SCN8A: variants seen among roughly 807,000 people sequenced by gnomAD.
SCN8A encodes sodium voltage-gated channel alpha subunit 8.
Under a neutral mutation model 184.1 loss-of-function variants are expected in SCN8A, and 30 were observed. The ratio of observed to expected loss-of-function variants is 0.16; its 90% CI spans 0.12 to 0.22. SCN8A has a LOEUF of 0.22. Among genes scored for constraint, SCN8A ranks in the 10% least tolerant of loss-of-function variants. The probability of loss-of-function intolerance (pLI) is 1.00; values close to 1 mark genes in which losing one functional copy is unlikely to be tolerated. For synonymous variants in SCN8A, 852 were observed against 907.0 expected (o/e 0.94, Z 1.09); for missense variants, 1,057 against 2,498.9 (o/e 0.42, Z 12.30).
At chr12:51,770,312 ATCT>A (rs1472560403) in intron 18 of SCN8A, 11 of 598,156 alleles carry the variant, frequency 1.8e-5, no homozygotes, top group South Asian at 1.1e-4. Context: ...TTTGTAGGAC[ATCT>A]TCTTGACTCC....
intron 1 of SCN8A, among the ~76,000 whole-genome samples, chr12:51,632,734 A>T (rs1940223438): frequency 6.6e-6 from 1 of 152,186 alleles, no homozygotes; most frequent in Non-Finnish European, 1.5e-5. Flanking sequence ...TCTTTTATGA[A>T]CAAGAGAATT....
chr12:51,721,678 A>C lies in SCN8A; in HGVS notation c.1768A>C (p.Thr590Pro). The C allele has an allele frequency of 4.4e-6, 7 of 1,599,122 alleles. No individual in the cohort carries two copies. The highest frequency in any genetic ancestry group is 6.0e-6 in the Non-Finnish European group (7 of 1,172,852). Residue 590 changes from threonine to proline, a missense_variant, in exon 12 of 27, where the codon ACG becomes CCG. This residue lies in a region of SCN8A where 322 missense variants were observed against 390.1 expected (regional missense o/e 0.83). Transcript: ENST00000627620. ...TGAGTTCGCGGATGACGAGCACAGC[A>C]CGGTGGAGGAGAGCGAGGGCCGCCG... ...ENEFADDEHS[T>P]VEESEGRRDS...
At chr12:51,630,142 T>G (rs1478443872) in intron 1 of SCN8A, among the ~76,000 whole-genome samples, 1 of 152,214 alleles carries the variant, frequency 6.6e-6, no homozygotes, top group African/African-American at 2.4e-5. Context: ...ATTTTTACCA[T>G]TTTTTAAGTG....
At chr12:51,802,336 T>C (rs924397639) in intron 26 of SCN8A, among the ~76,000 whole-genome samples, 2 of 152,198 alleles carry the variant, frequency 1.3e-5, no homozygotes, top group African/African-American at 4.8e-5. Context: ...GTGAGGAGGC[T>C]GTTTTCTCTG....
At chr12:51,759,322 C>T (rs1317809943) in intron 14 of SCN8A, among the ~76,000 whole-genome samples, 1 of 151,910 alleles carries the variant, frequency 6.6e-6, no homozygotes. Flanking sequence ...CACATTATCC[C>T]TATCATTAAG....
At chr12:51,671,311 G>A (rs1401626990) in intron 2 of SCN8A, among the ~76,000 whole-genome samples, 1 of 152,162 alleles carries the variant, frequency 6.6e-6, no homozygotes, top group Non-Finnish European at 1.5e-5. Context: ...TAGATATGGA[G>A]GGTACCTGTG....
intron 15 of SCN8A, among the ~76,000 whole-genome samples, chr12:51,763,533 A>G (rs1002530644): frequency 1.3e-5 from 2 of 152,248 alleles, no homozygotes; most frequent in Admixed American, 6.5e-5. Context: ...CATCTGTATT[A>G]TATTGAAATT....
chr12:51,743,929 G>A (rs1942467517), intron 12 of SCN8A, among the ~76,000 whole-genome samples: 1 of 152,164 alleles, frequency 6.6e-6, no homozygotes, highest in Non-Finnish European at 1.5e-5. Context: ...AACCCATCAA[G>A]AGGACAGGGA....
chr12:51,642,837 T>G (rs1422564872), intron 1 of SCN8A, among the ~76,000 whole-genome samples: 1 of 151,918 alleles, frequency 6.6e-6, no homozygotes, highest in South Asian at 2.1e-4. Flanking sequence ...GTGTGAGTGA[T>G]GCTTCTGAAT....
At chr12:51,788,858 G>T in intron 23 of SCN8A, 110 bp downstream of exon 23, 1 of 813,324 alleles carries the variant, frequency 1.2e-6, no homozygotes, top group Non-Finnish European at 1.9e-6. Flanking sequence ...TGGAGGAGTT[G>T]ACGTTTCTCT....
chr12:51,593,368 G>T (rs1177760199), intron 1 of SCN8A, among the ~76,000 whole-genome samples: 1 of 152,212 alleles, frequency 6.6e-6, no homozygotes, highest in African/African-American at 2.4e-5. Flanking sequence ...TCATAATGGT[G>T]CAGATCAGTT....
intron 14 of SCN8A, among the ~76,000 whole-genome samples, chr12:51,754,704 C>T (rs1653665930): frequency 6.6e-6 from 1 of 152,200 alleles, no homozygotes; most frequent in Admixed American, 6.5e-5. Flanking sequence ...TCAGTCTTTC[C>T]TTGACTTTCA....
At chr12:51,720,820 C>T (rs534067290) in intron 11 of SCN8A, among the ~76,000 whole-genome samples, 1 of 151,974 alleles carries the variant, frequency 6.6e-6, no homozygotes, top group South Asian at 2.1e-4. Flanking sequence ...AATCCCAGCA[C>T]TTTGGGAGGC....
intron 1 of SCN8A, among the ~76,000 whole-genome samples, chr12:51,639,741 C>T (rs899567318): frequency 6.6e-6 from 1 of 151,740 alleles, no homozygotes; most frequent in Non-Finnish European, 1.5e-5. Context: ...CAACCACCAC[C>T]CTGATCAGTC....
chr12:51,754,236 T>G (rs1409628988), intron 14 of SCN8A, among the ~76,000 whole-genome samples: 1 of 152,108 alleles, frequency 6.6e-6, no homozygotes, highest in Non-Finnish European at 1.5e-5. Flanking sequence ...TTTTTGCAAC[T>G]AACTGAATAC....
intron 1 of SCN8A, among the ~76,000 whole-genome samples, chr12:51,661,921 C>G (rs1277885439): frequency 6.6e-6 from 1 of 152,304 alleles, no homozygotes; most frequent in Admixed American, 6.5e-5. Context: ...CTTCAGTTTT[C>G]TTTTTAGAAG....
chr12:51,750,133 G>A (rs1200082399), intron 13 of SCN8A, among the ~76,000 whole-genome samples: 3 of 152,080 alleles, frequency 2.0e-5, no homozygotes, highest in African/African-American at 4.8e-5. Context: ...CTTTGAGATC[G>A]TCTAGTCCAG....
chr12:51,795,871 T>G (rs1002456215), intron 26 of SCN8A, among the ~76,000 whole-genome samples: 10 of 139,722 alleles, frequency 7.2e-5, no homozygotes, highest in Non-Finnish European at 1.5e-4. Context: ...ATGATAAAAC[T>G]CTATCTCTGA....
At chr12:51,780,175 T>C (rs563587819) in intron 20 of SCN8A, 3 of 454,434 alleles carry the variant, frequency 6.6e-6, no homozygotes, top group East Asian at 1.4e-4. Context: ...GTGGAGTATG[T>C]GTATTTATCT....
Sources: allele counts gnomAD v4.1 joint callset (sites outside exome capture counted in the v4.1 genomes callset), GRCh38; gene constraint gnomAD v4.1.1; regional missense constraint gnomAD v4.1.1; transcripts MANE v1.5; gene names NCBI Gene and HGNC (gene_info 2026-07-23, HGNC 2026-07-21).